The following SLC18A1 variants were observed in gnomAD, a reference collection of about 807,000 sequenced individuals.
SLC18A1 encodes the protein chromaffin granule amine transporter.
Under a neutral mutation model 53.7 loss-of-function variants are expected in SLC18A1, and 69 were observed. That is an observed-to-expected ratio of 1.28 (90% CI 1.06 to 1.57). The LOEUF is 1.57. SLC18A1 is among the 40% of genes most tolerant of loss of function. The pLI is 0.00. For missense variants in SLC18A1, 932 were observed against 668.1 expected (o/e 1.40, Z -4.35); for synonymous variants, 320 against 248.1 (o/e 1.29, Z -2.72).
intron 10 of SLC18A1, among the ~76,000 whole-genome samples, chr8:20,160,273 A>C (rs1213651713): frequency 6.8e-6 from 1 of 147,554 alleles, no homozygotes; most frequent in Non-Finnish European, 1.5e-5. Context: ...GGAAGTAAGC[A>C]CCTCTAGGAA....
At chr8:20,164,390 G>A (rs2071901294) in intron 10 of SLC18A1, among the ~76,000 whole-genome samples, 1 of 152,204 alleles carries the variant, frequency 6.6e-6, no homozygotes, top group East Asian at 1.9e-4. Flanking sequence ...ATGAGGAGCT[G>A]AAGGGAGGAG....
chr8:20,149,708 C>T lies in SLC18A1; in HGVS notation c.1114G>A (p.Gly372Arg), dbSNP rs759912369. ...KMGRWLCSLIGMLVVGTSLLC... is the reference protein window; with the variant it reads ...KMGRWLCSLIRMLVVGTSLLC... ...AAGCTGGTACCTACTACCAGCATCC[C>T]GATTAGGGAACACAGCCACCTGGAA... The change falls in exon 12 of 16, where the codon GGG becomes AGG. Residue 372 changes from glycine (G) to arginine (R), a missense_variant. By Grantham distance (125) the Gly-to-Arg change is moderately radical. Transcript: ENST00000276373. 20 of 1,613,520 alleles carry T rather than the reference C, an allele frequency of 1.2e-5. No individual in the cohort carries two copies. The South Asian group carries it at 1.5e-4, about 12-fold the overall frequency.
intron 8 of SLC18A1, among the ~76,000 whole-genome samples, chr8:20,168,156 G>A (rs770580896): frequency 8.6e-5 from 13 of 151,980 alleles, no homozygotes; most frequent in Non-Finnish European, 1.3e-4. Context: ...AATTAAGGAC[G>A]GGAGGCCAGG....
In SLC18A1 at chr8:20,174,046, A is replaced by G. The variant is rs1224703399; in HGVS notation, c.631+315T>C. 4.6e-5 allele frequency among the ~76,000 whole-genome samples: 7 copies of G among 151,958 alleles called. No homozygotes were observed. In the East Asian group the frequency reaches 1.4e-3, roughly 29 times the overall value. The stretch of plus-strand genomic sequence containing the variant: ...CAAGTAGCTGGGACCACAGGTGCAC[A>G]CCACCATGCCTGGCTAACTTATTCT... On this transcript the variant is annotated intron_variant, in intron 5 of 15. Transcript: ENST00000276373.
intron 10 of SLC18A1, among the ~76,000 whole-genome samples, chr8:20,161,432 T>C (rs1042238507): frequency 3.9e-5 from 6 of 152,182 alleles, no homozygotes; most frequent in African/African-American, 1.4e-4. Flanking sequence ...TTATATAGCA[T>C]TTCCATTGCA....
At chr8:20,166,330 TACAC>T (rs1485044065) in intron 8 of SLC18A1, among the ~76,000 whole-genome samples, 1 of 77,986 alleles carries the variant, frequency 1.3e-5, no homozygotes, top group African/African-American at 6.0e-5. Context: ...TATATATATA[TACAC>T]CACCAGGTGG....
chr8:20,148,674 T>C (rs938347153), intron 12 of SLC18A1, among the ~76,000 whole-genome samples: 5 of 152,158 alleles, frequency 3.3e-5, no homozygotes, highest in Admixed American at 2.0e-4. Flanking sequence ...TTCCCTCTTT[T>C]TCAGGTTCCT....
At chr8:20,182,128 T>A (rs1195343896) in intron 1 of SLC18A1, among the ~76,000 whole-genome samples, 2 of 152,180 alleles carry the variant, frequency 1.3e-5, no homozygotes, top group Non-Finnish European at 2.9e-5. Flanking sequence ...CTCATTTAAA[T>A]TTTAAAATAG....
chr8:20,150,911 A>G (rs1440112081), intron 10 of SLC18A1, 167 bp from the exon 11 acceptor site: 1 of 617,178 alleles, frequency 1.6e-6, no homozygotes. Flanking sequence ...TTGCCATAGG[A>G]CCCCCACACC....
At chr8:20,163,431 G>A (rs1242086779) in intron 10 of SLC18A1, among the ~76,000 whole-genome samples, 3 of 152,262 alleles carry the variant, frequency 2.0e-5, no homozygotes, top group East Asian at 1.9e-4. Context: ...AGTAAGTGAC[G>A]TGGTCAGCAT....
intron 10 of SLC18A1, among the ~76,000 whole-genome samples, chr8:20,155,174 C>G (rs995484071): frequency 6.6e-6 from 1 of 152,192 alleles, no homozygotes; most frequent in Non-Finnish European, 1.5e-5. Flanking sequence ...TAGGAGCAGC[C>G]CGCCCCATCT....
At chr8:20,153,136 A>C (rs1241402236) in intron 10 of SLC18A1, among the ~76,000 whole-genome samples, 1 of 152,200 alleles carries the variant, frequency 6.6e-6, no homozygotes, top group Non-Finnish European at 1.5e-5. Context: ...CTAGGGGCTT[A>C]GAGAAAGATT....
rs572411206 is a variant in SLC18A1 at position 20,179,327 on chromosome 8, T to C, written c.282A>G (p.Glu94=). The change falls in exon 3 of 16, where the codon GAA becomes GAG. Residue 94 remains glutamate (E), a synonymous_variant. Coordinates refer to ENST00000276373, the MANE Select transcript of SLC18A1 (RefSeq NM_003053.4). ...TCCATGCTATTCCACTAGGTACGCT[T>C]TCTTCAACAGCCACGGTGTTGTTGT... The part of the protein sequence containing the change: ...FFNNNTVAVE[E]SVPSGIAWMN... The C allele has an allele frequency of 3.8e-5, 61 of 1,614,104 alleles. No homozygotes were observed. The highest frequency in any genetic ancestry group is 4.6e-5 in the Non-Finnish European group (54 of 1,180,052).
At chr8:20,164,656 T>G (rs940914002) in intron 10 of SLC18A1, among the ~76,000 whole-genome samples, 2 of 152,168 alleles carry the variant, frequency 1.3e-5, no homozygotes, top group African/African-American at 4.8e-5. Context: ...GTATGTGACC[T>G]CTCCATAGCC....
Position 20,179,408 on chromosome 8 carries a change from TC to T in SLC18A1, c.200del (p.Gly67GlufsTer34), listed in dbSNP as rs1325795927. The T allele has an allele frequency of 6.2e-7, 1 of 1,614,086 alleles. No homozygotes were observed. Among genetic ancestry groups the T allele is most frequent in the Non-Finnish European group, 8.5e-7 (1 of 1,180,032 alleles). On this transcript the variant is annotated frameshift_variant, in exon 3 of 16. Coordinates refer to ENST00000276373, the MANE Select transcript of SLC18A1 (RefSeq NM_003053.4). LOFTEE classifies it high-confidence loss of function. Reference protein sequence around the residue: ...VNSSLHLGHAGSSPHALASPA... With the variant: ...VNSSLHLGHAXSSPHALASPA... ...GAGAGGCGAGGGCATGTGGGGAACTTCCGGCATGGCCGAGGTGCAGAGAAGA... is the reference window on the plus strand; with the variant it reads ...GAGAGGCGAGGGCATGTGGGGAACTTCGGCATGGCCGAGGTGCAGAGAAGA...
intron 10 of SLC18A1, among the ~76,000 whole-genome samples, chr8:20,153,660 C>G (rs1020824362): frequency 7.2e-6 from 1 of 138,446 alleles, no homozygotes; most frequent in African/African-American, 2.9e-5. Flanking sequence ...GAGCAAGACT[C>G]TGTCTCAAAA....
At chr8:20,180,529 T>C (rs2072397954) in intron 2 of SLC18A1, among the ~76,000 whole-genome samples, 1 of 152,138 alleles carries the variant, frequency 6.6e-6, no homozygotes, top group Non-Finnish European at 1.5e-5. Context: ...TTGGAGTCAT[T>C]AGCACCTTGA....
chr8:20,166,119 GA>G (rs201777252), intron 8 of SLC18A1, among the ~76,000 whole-genome samples: 1,593 of 151,664 alleles, frequency 0.011, 23 homozygotes, highest in African/African-American at 0.037. Flanking sequence ...CCACTTCTAG[GA>G]ATTGACTCTA....
intron 8 of SLC18A1, 99 bp from the exon 9 acceptor site, chr8:20,165,206 A>G: frequency 9.8e-7 from 1 of 1,024,790 alleles, no homozygotes; most frequent in Admixed American, 1.9e-5. Flanking sequence ...CTTAGAGACC[A>G]TCTACAGTAT....
Sources: gnomAD v4.1 joint callset for allele counts (sites outside exome capture counted in the v4.1 genomes callset) on GRCh38, gnomAD v4.1.1 for gene constraint, MANE v1.5 for transcripts, NCBI Gene and HGNC (gene_info 2026-07-23, HGNC 2026-07-21) for gene names.